Variants in SIAE observed in about 807,000 individuals in gnomAD.
SIAE encodes the protein sialic acid acetylesterase, also known as sialate O-acetylesterase.
A neutral mutation model predicts 52.6 loss-of-function variants in SIAE; 39 were observed. The observed-to-expected ratio is 0.74, with a 90% CI of 0.57 to 0.97. The LOEUF is 0.97. Among genes scored for constraint, SIAE ranks in the 50% least tolerant of loss-of-function variants. The probability of loss-of-function intolerance (pLI) is 0.00; values close to 1 mark genes in which losing one functional copy is unlikely to be tolerated. For missense variants in SIAE, 592 were observed against 662.1 expected (o/e 0.89, Z 1.16); for synonymous variants, 233 against 241.4 (o/e 0.97, Z 0.32).
In SIAE at chr11:124,666,402, C is replaced by T. The variant is rs188695419; in HGVS notation, c.229+2958G>A. Among the ~76,000 whole-genome samples the T allele has an allele frequency of 4.1e-4, 62 of 152,278 alleles. No homozygotes were observed. In the East Asian group the frequency reaches 0.01, roughly 25 times the overall value. On this transcript the variant is annotated intron_variant, in intron 2 of 9. Transcript: ENST00000263593. ...TATGAAATTTCTTACATGTCTACCT[C>T]CTTTACTCCAATTAACACTTCATCT...
intron 8 of SIAE, 38 bp downstream of exon 8, chr11:124,639,672 C>CAT: frequency 6.2e-7 from 1 of 1,613,590 alleles, no homozygotes; most frequent in Non-Finnish European, 8.5e-7. Flanking sequence ...CTACAAAGAA[C>CAT]ATACACTGTT....
intron 2 of SIAE, among the ~76,000 whole-genome samples, chr11:124,666,016 A>G (rs1270667589): frequency 6.6e-6 from 1 of 152,144 alleles, no homozygotes; most frequent in Non-Finnish European, 1.5e-5. Flanking sequence ...TGTCAAAGTG[A>G]GAGGATATGC....
rs1171282951 is a variant in SIAE, at chr11:124,633,187, TATG to T, written c.*3761_*3763del. The stretch of plus-strand genomic sequence containing the variant: ...TTTTTAGCTCAGTACACTGAAACCA[TATG>T]ATAACACAAATTCACATATAATTGG... On this transcript the variant is annotated 3_prime_UTR_variant, in exon 10 of 10. Transcript: ENST00000263593. 6.6e-6 allele frequency: 1 copy of T among 152,222 alleles called. No homozygotes were observed. Among genetic ancestry groups the T allele is most frequent in the Non-Finnish European group, 1.5e-5 (1 of 68,042 alleles). 9.4% of individuals were successfully genotyped at this position (152,222 alleles called of 1,614,324 possible). A position where few individuals can be genotyped will look rare whatever the true frequency, so the allele number is the denominator to read the frequency against.
chr11:124,636,847 T>TTTC lies in SIAE; in HGVS notation c.*101_*103dup. The TTTC allele has an allele frequency of 6.5e-7, 1 of 1,527,216 alleles. No individual in the cohort carries two copies. The highest frequency in any genetic ancestry group is 9.1e-7 in the Non-Finnish European group (1 of 1,104,402). The allele number at this position is 1,527,216 out of a possible 1,614,324, so 94.6% of individuals were successfully genotyped here. ...CTAGCTGAAAGCCATTCAATGAGGC[T>TTTC]TTCTATTAATTTCCTTTAAAAGCAA... is the stretch of plus-strand genomic sequence containing the variant. On this transcript the variant is annotated 3_prime_UTR_variant, in exon 10 of 10. Transcript: ENST00000263593.
Position 124,636,973 on chromosome 11 carries a change from T to C in SIAE, c.1550A>G (p.His517Arg), listed in dbSNP as rs772975259. Residue 517 changes from histidine (H) to arginine (R), a missense_variant, in exon 10 of 10, where the codon CAT becomes CGT. Transcript: ENST00000263593. ...IAFITDQGPG[H>R]QSNVAK ...CAGTCATTTAGCAACATTGCTCTGA[T>C]GTCCAGGACCCTGGTCTGTAATGAA... 2 of 1,614,228 alleles carry C rather than the reference T, an allele frequency of 1.2e-6. No homozygotes were observed. Among genetic ancestry groups the C allele is most frequent in the South Asian group, 2.2e-5 (2 of 91,090 alleles).
chr11:124,635,670 G>A lies in SIAE; in HGVS notation c.*1281C>T, dbSNP rs1288850783. 2.0e-5 allele frequency: 3 copies of A among 152,194 alleles called. No homozygotes were observed. Among genetic ancestry groups the A allele is most frequent in the Admixed American group, 6.5e-5 (1 of 15,284 alleles). The allele number at this position is 152,194 out of a possible 1,614,324, so 9.4% of individuals were successfully genotyped here. ...AATACATTGTATATGTACAGTGAGT[G>A]ATGCTTTTTGCTTTAGTTCTCATTT... is the stretch of plus-strand genomic sequence containing the variant. On this transcript the variant is annotated 3_prime_UTR_variant, in exon 10 of 10. Coordinates refer to ENST00000263593, the MANE Select transcript of SIAE (RefSeq NM_170601.5).
chr11:124,669,558 G>A lies in SIAE; in HGVS notation c.68-37C>T, dbSNP rs75140259. ...AACAAACACTGAGGGAAGCATCATC[G>A]GAGAGATATAGCACCAACTGGATCA... is the stretch of plus-strand genomic sequence containing the variant. On this transcript the variant is annotated intron_variant, in intron 1 of 9. Transcript: ENST00000263593. 2.0e-3 allele frequency: 3,166 copies of A among 1,591,376 alleles called. 60 individuals are homozygous for A. In the African/African-American group the frequency reaches 0.036, roughly 18 times the overall value.
chr11:124,667,065 T>A (rs1463054187), intron 2 of SIAE, among the ~76,000 whole-genome samples: 2 of 152,266 alleles, frequency 1.3e-5, no homozygotes, highest in East Asian at 3.8e-4. Context: ...TATGTATTTC[T>A]ACAGCACTGT....
At chr11:124,675,085 T>C, upstream of SIAE, 1 of 671,966 alleles carries the variant, frequency 1.5e-6, no homozygotes, top group Non-Finnish European at 2.4e-6. Flanking sequence ...ATTTCAAAAC[T>C]CTTTGGAAGA....
intron 7 of SIAE, among the ~76,000 whole-genome samples, chr11:124,644,008 T>G (rs575843355): frequency 9.2e-5 from 14 of 152,302 alleles, no homozygotes; most frequent in Non-Finnish European, 2.1e-4. Flanking sequence ...CGAGGATATT[T>G]TCTGCTCTCT....
chr11:124,660,627 C>T lies in SIAE; in HGVS notation c.405+1G>A, dbSNP rs946726114. 1 of 1,613,920 alleles carries T rather than the reference C, an allele frequency of 6.2e-7. No individual in the cohort carries two copies. Among genetic ancestry groups the T allele is most frequent in the African/African-American group, 1.3e-5 (1 of 74,912 alleles). On this transcript the variant is annotated splice_donor_variant, in intron 3 of 9. Coordinates refer to ENST00000263593, the MANE Select transcript of SIAE (RefSeq NM_170601.5). LOFTEE classifies it high-confidence loss of function. The stretch of plus-strand genomic sequence containing the variant: ...ATTATTGCTGAGACTCTGCAAATTA[C>T]CTGTAACACAGTCATCTGCATGTTA...
chr11:124,658,276 TTTA>T (rs1207929302), intron 3 of SIAE, among the ~76,000 whole-genome samples: 1 of 151,912 alleles, frequency 6.6e-6, no homozygotes. Context: ...GGACAGAAAC[TTTA>T]TTTACTTAAA....
At chr11:124,652,409 C>T (rs1031001896) in intron 4 of SIAE, among the ~76,000 whole-genome samples, 1 of 151,950 alleles carries the variant, frequency 6.6e-6, no homozygotes, top group African/African-American at 2.4e-5. Flanking sequence ...GGCAGGAGAC[C>T]GGGCGCGGTG....
At chr11:124,659,692 A>G (rs879522627) in intron 3 of SIAE, 6 of 151,234 alleles carry the variant, frequency 4.0e-5, no homozygotes, top group Non-Finnish European at 5.9e-5. Context: ...ACAGAATGTA[A>G]GAGTAAATAA....
chr11:124,654,758 C>T lies in SIAE; in HGVS notation c.441G>A (p.Ala147=), dbSNP rs765201275. 44 of 1,613,842 alleles carry T rather than the reference C, an allele frequency of 2.7e-5. No individual in the cohort carries two copies. The highest frequency in any genetic ancestry group is 1.3e-4 in the East Asian group (6 of 44,892). Residue 147 remains alanine, a synonymous_variant, in exon 4 of 10, where the codon GCG becomes GCA. Transcript: ENST00000263593. Reference sequence around the variant, plus strand: ...AGAGGATGCGGACAGACTGATATGCCGCAGTGTTAGACAACTCCCTTGTAG... The same window carrying T: ...AGAGGATGCGGACAGACTGATATGCTGCAGTGTTAGACAACTCCCTTGTAG... The part of the protein sequence containing the change: ...FNATRELSNT[A]AYQSVRILSV...
rs377377087 is a variant in SIAE at position 124,635,142 on chromosome 11, G to A, written c.*1809C>T. The A allele has an allele frequency of 1.3e-5, 2 of 152,172 alleles. No homozygotes were observed. The highest frequency in any genetic ancestry group is 4.1e-4 in the South Asian group (2 of 4,834). The allele number at this position is 152,172 out of a possible 1,614,324, so 9.4% of individuals were successfully genotyped here. On this transcript the variant is annotated 3_prime_UTR_variant, in exon 10 of 10. Coordinates refer to ENST00000263593, the MANE Select transcript of SIAE (RefSeq NM_170601.5). Reference sequence around the variant, plus strand: ...TTCTTGGCTACCTCTGGCTGCCCCCGAATTAGAACAGCCCATGGGGGTATG... The same window carrying A: ...TTCTTGGCTACCTCTGGCTGCCCCCAAATTAGAACAGCCCATGGGGGTATG...
intron 8 of SIAE, 102 bp downstream of exon 8, chr11:124,639,608 A>T: frequency 6.7e-7 from 1 of 1,491,906 alleles, no homozygotes; most frequent in Non-Finnish European, 9.3e-7. Flanking sequence ...CGTGACTCTT[A>T]AGTGCCAATC....
chr11:124,660,411 T>C, intron 3 of SIAE: 1 of 650,182 alleles, frequency 1.5e-6, no homozygotes. Flanking sequence ...TAGAATACAT[T>C]AGCACCAATC....
At chr11:124,673,760 G>GGGGCGGGGCCT (rs939442089), upstream of SIAE, 1 of 1,595,560 alleles carries the variant, frequency 6.3e-7, no homozygotes, top group African/African-American at 1.3e-5. Flanking sequence ...GTTCCCGGCA[G>GGGGCGGGGCCT]GGGCGGGGCC....
Sources: allele counts gnomAD v4.1 joint callset (sites outside exome capture counted in the v4.1 genomes callset), GRCh38; gene constraint gnomAD v4.1.1; transcripts MANE v1.5; gene names NCBI Gene and HGNC (gene_info 2026-07-23, HGNC 2026-07-21).